The following EPS15L1 variants were observed in gnomAD, a reference collection of about 807,000 sequenced individuals.
The protein encoded by EPS15L1 is epidermal growth factor receptor pathway substrate 15 like 1.
EPS15L1 carries 43 observed loss-of-function variants against 117.1 expected under a neutral mutation model. The ratio of observed to expected loss-of-function variants is 0.37; its 90% CI spans 0.29 to 0.47. The LOEUF (loss-of-function observed/expected upper bound fraction) is 0.47. Among genes scored for constraint, EPS15L1 ranks in the 20% least tolerant of loss-of-function variants. The pLI is 0.99. For missense variants in EPS15L1, 981 were observed against 1,164.0 expected (o/e 0.84, Z 2.29); for synonymous variants, 459 against 470.5 (o/e 0.98, Z 0.32).
intron 17 of EPS15L1, among the ~76,000 whole-genome samples, chr19:16,394,543 G>C (rs1330229156): frequency 6.6e-6 from 1 of 152,202 alleles, no homozygotes; most frequent in Non-Finnish European, 1.5e-5. Flanking sequence ...AATGTAGAGA[G>C]CCTTCCTCCT....
chr19:16,404,757 G>A lies in EPS15L1; in HGVS notation c.1267-8C>T, dbSNP rs1329588327. ...TAGGTCATTTTGTAATTCCTAGGGA[G>A]GAGTTGCAGGGGTTTACGTGAGGAT... On this transcript the variant is annotated splice_polypyrimidine_tract_variant and splice_region_variant and intron_variant, in intron 13 of 23. Transcript: ENST00000455140. This position sits in a 1 kb window ranked among gnomAD's most constrained non-coding sequence, Gnocchi z 4.2. 1 of 1,614,034 alleles carries A rather than the reference G, an allele frequency of 6.2e-7. No individual in the cohort carries two copies. Among genetic ancestry groups the A allele is most frequent in the Admixed American group, 1.7e-5 (1 of 60,020 alleles).
At chr19:16,395,236 T>G in intron 17 of EPS15L1, 108 bp downstream of exon 17, 1 of 722,148 alleles carries the variant, frequency 1.4e-6, no homozygotes, top group Non-Finnish European at 2.2e-6. Flanking sequence ...CCTTTCCCCC[T>G]CCATTTCAGA....
rs1043854454 is a variant in EPS15L1 at position 16,405,215 on chromosome 19, A to G, written c.1267-466T>C. Among the ~76,000 whole-genome samples the G allele has an allele frequency of 6.6e-6, 1 of 152,196 alleles. No individual in the cohort carries two copies. Among genetic ancestry groups the G allele is most frequent in the Admixed American group, 6.5e-5 (1 of 15,284 alleles). On this transcript the variant is annotated intron_variant, in intron 13 of 23. Transcript: ENST00000455140. The surrounding 1 kb of genome is among the most constrained non-coding windows in gnomAD (Gnocchi z 4.0). ...AGGTGAGCAGGTGCCAGGCAGGTGA[A>G]GAGCCAGGGACAGAGCCTGGCGGAG...
chr19:16,440,305 C>T (rs975023708), intron 4 of EPS15L1, among the ~76,000 whole-genome samples: 9 of 151,800 alleles, frequency 5.9e-5, no homozygotes, highest in Admixed American at 2.6e-4. Flanking sequence ...TGATGGTTCT[C>T]GCCTGTAATC....
At chr19:16,433,278 C>T (rs2145025405) in intron 7 of EPS15L1, among the ~76,000 whole-genome samples, 1 of 152,184 alleles carries the variant, frequency 6.6e-6, no homozygotes, top group Non-Finnish European at 1.5e-5. Flanking sequence ...CAGGCGAACA[C>T]CACCACACCT....
At chr19:16,467,279 G>A (rs1350740733) in intron 1 of EPS15L1, among the ~76,000 whole-genome samples, 3 of 151,804 alleles carry the variant, frequency 2.0e-5, no homozygotes, top group African/African-American at 7.3e-5. Context: ...GTCCCGAGTG[G>A]CCGGGATTAC....
rs1189511571 is a variant in EPS15L1, at chr19:16,404,421, G to A, written c.1428+167C>T. On this transcript the variant is annotated intron_variant, in intron 14 of 23. Transcript: ENST00000455140. This position sits in a 1 kb window ranked among gnomAD's most constrained non-coding sequence, Gnocchi z 4.2. ...AGGAGTACAGGGGGGTGGCCAGGAA[G>A]TCAAGCCACAGGTGCTTGGACACTT... is the stretch of plus-strand genomic sequence containing the variant. Among the ~76,000 whole-genome samples, 1 of 152,192 alleles carries A rather than the reference G, an allele frequency of 6.6e-6. No homozygotes were observed. Among genetic ancestry groups the A allele is most frequent in the Non-Finnish European group, 1.5e-5 (1 of 68,024 alleles).
intron 7 of EPS15L1, among the ~76,000 whole-genome samples, chr19:16,431,636 A>G (rs2092928631): frequency 6.6e-6 from 1 of 152,160 alleles, no homozygotes; most frequent in Non-Finnish European, 1.5e-5. Flanking sequence ...ACAGCACAAC[A>G]GGGGAACTAT....
chr19:16,366,116 T>A (rs1278439779), intron 22 of EPS15L1, among the ~76,000 whole-genome samples: 1 of 152,146 alleles, frequency 6.6e-6, no homozygotes, highest in Non-Finnish European at 1.5e-5. Context: ...AACAGTTAAG[T>A]GTTTCCAGGG....
Position 16,458,222 on chromosome 19 carries a change from G to A in EPS15L1, c.33+13691C>T, listed in dbSNP as rs147967357. ...CCTCCTCATCGCTGTGGGTGACAGC[G>A]TCAGCCTCCTAGTGCACTGTTCTTT... On this transcript the variant is annotated intron_variant, in intron 1 of 23. Transcript: ENST00000455140. Among the ~76,000 whole-genome samples, 53 of 152,236 alleles carry A rather than the reference G, an allele frequency of 3.5e-4. 1 individual carries two copies. Among genetic ancestry groups the A allele is most frequent in the Middle Eastern group, 3.4e-3 (1 of 294 alleles).
intron 16 of EPS15L1, among the ~76,000 whole-genome samples, chr19:16,400,148 G>A (rs1225503717): frequency 1.3e-5 from 2 of 151,940 alleles, no homozygotes; most frequent in Non-Finnish European, 2.9e-5. Flanking sequence ...ACCAGCCTGG[G>A]CAACACTGTG....
chr19:16,428,174 C>T (rs1258919926), intron 8 of EPS15L1, among the ~76,000 whole-genome samples: 1 of 146,224 alleles, frequency 6.8e-6, no homozygotes, highest in East Asian at 2.0e-4. Flanking sequence ...GCACTCCAGC[C>T]TGTGTGACAG....
chr19:16,448,747 T>C (rs1289738393), intron 1 of EPS15L1, among the ~76,000 whole-genome samples: 1 of 151,916 alleles, frequency 6.6e-6, no homozygotes, highest in African/African-American at 2.4e-5. Flanking sequence ...GGAGAACTGC[T>C]TGAACCCAGC....
intron 19 of EPS15L1, among the ~76,000 whole-genome samples, chr19:16,386,573 C>T (rs377379462): frequency 1.3e-5 from 2 of 152,204 alleles, no homozygotes; most frequent in East Asian, 3.9e-4. Context: ...CCAGCTACAG[C>T]AGGAAGGCAC....
chr19:16,427,443 T>G (rs1226668217), intron 8 of EPS15L1, among the ~76,000 whole-genome samples: 1 of 152,214 alleles, frequency 6.6e-6, no homozygotes, highest in Middle Eastern at 3.2e-3. Context: ...AATCTGAAAT[T>G]CTTCAATGAG....
chr19:16,416,232 C>T (rs2144913550), intron 12 of EPS15L1, among the ~76,000 whole-genome samples: 1 of 152,282 alleles, frequency 6.6e-6, no homozygotes, highest in Non-Finnish European at 1.5e-5. Context: ...AAGCCCTTTC[C>T]ATTTTCAGCC....
chr19:16,463,980 G>T (rs1166063135), intron 1 of EPS15L1, among the ~76,000 whole-genome samples: 1 of 152,230 alleles, frequency 6.6e-6, no homozygotes, highest in African/African-American at 2.4e-5. Context: ...GGGCCAGGGG[G>T]CCACAGAGCA....
intron 22 of EPS15L1, among the ~76,000 whole-genome samples, chr19:16,363,818 T>C (rs1002442623): frequency 6.6e-6 from 1 of 152,200 alleles, no homozygotes; most frequent in Admixed American, 6.5e-5. Context: ...GAAATTCACT[T>C]TTCTCTCAAC....
chr19:16,377,494 C>A (rs2037118613), intron 21 of EPS15L1, among the ~76,000 whole-genome samples: 1 of 152,194 alleles, frequency 6.6e-6, no homozygotes, highest in Admixed American at 6.5e-5. Flanking sequence ...TGGCAGAGAG[C>A]AGTCCCATAC....
Sources: allele counts gnomAD v4.1 joint callset (sites outside exome capture counted in the v4.1 genomes callset), GRCh38; gene constraint gnomAD v4.1.1; non-coding constraint Gnocchi (gnomAD v3.1); transcripts MANE v1.5; gene names NCBI Gene and HGNC (gene_info 2026-07-23, HGNC 2026-07-21).